The following LRRC9 variants were observed in gnomAD, a reference collection of about 807,000 sequenced individuals.
The protein encoded by LRRC9 is leucine-rich repeat-containing protein 9.
LRRC9 carries 122 observed loss-of-function variants against 63.2 expected under a neutral mutation model. The observed-to-expected ratio is 1.93, with a 90% confidence interval of 1.67 to 2.24. The LOEUF is 2.24. Ranked by LOEUF, LRRC9 falls within the 30% of genes most tolerant of loss-of-function variation. The pLI, the probability that LRRC9 is intolerant of heterozygous loss-of-function variation, is 0.00. For missense variants in LRRC9, 1,071 were observed against 627.7 expected, an observed-to-expected ratio of 1.71 and a Z score of -7.55; for synonymous variants, 366 against 213.1, an observed-to-expected ratio of 1.72 and a Z score of -6.25.
At position 59,964,106 on chromosome 14, in the gene LRRC9, G is replaced by T. The variant is rs1014678080; in HGVS notation, c.1212-2483G>T. ...CTGACTCTAAAGGATTTGAACAGGA[G>T]TTATGATTAGTTTAGAGACCATACA... is the stretch of plus-strand genomic sequence containing the variant. On this transcript the variant is annotated intron_variant, in intron 10 of 31. Transcript: ENST00000445360. This position sits in a 1 kb window ranked among gnomAD's most constrained non-coding sequence, Gnocchi z 4.4. Among the ~76,000 whole-genome samples the T allele has an allele frequency of 6.6e-6, 1 of 152,174 alleles. No homozygotes were observed. The highest frequency in any genetic ancestry group is 2.4e-5 in the African/African-American group (1 of 41,444).
rs946070698 is a variant in LRRC9, at chr14:59,936,723, C to A, written c.544-1667C>A. On this transcript the variant is annotated intron_variant, in intron 6 of 31. Transcript: ENST00000445360. The surrounding 1 kb of genome is among the most constrained non-coding windows in gnomAD (Gnocchi z 4.2). ...CCTTTTAGAGCAACTCTGCTTAGTC[C>A]TCCTCCCTGCATAGGCTCAGCCCAA... Among the ~76,000 whole-genome samples, 10 of 152,190 alleles carry A rather than the reference C, an allele frequency of 6.6e-5. No individual in the cohort carries two copies.
chr14:59,967,792 A>G (rs766621200), intron 12 of LRRC9, among the ~76,000 whole-genome samples: 4 of 152,178 alleles, frequency 2.6e-5, no homozygotes, highest in Non-Finnish European at 4.4e-5. Context: ...CACACATAAA[A>G]TGATAATATT....
intron 27 of LRRC9, among the ~76,000 whole-genome samples, chr14:60,024,934 C>G (rs1431674119): frequency 6.6e-6 from 1 of 151,670 alleles, no homozygotes; most frequent in African/African-American, 2.4e-5. Flanking sequence ...TTTTCTGTTT[C>G]TGAGTTAGCT....
chr14:59,939,037 A>ATATATACATATACATATATACACG (rs1881441064), intron 7 of LRRC9, among the ~76,000 whole-genome samples: 1 of 147,464 alleles, frequency 6.8e-6, no homozygotes, highest in Admixed American at 6.8e-5. Context: ...ATATATACAC[A>ATATATACATATACATATATACACG]TATATACATA....
At chr14:59,988,939 TA>T (rs577458069) in intron 17 of LRRC9, among the ~76,000 whole-genome samples, 105 of 152,282 alleles carry the variant, frequency 6.9e-4, no homozygotes, top group Non-Finnish European at 1.3e-3. Context: ...GCTCACAATT[TA>T]TTTTTCTGGG....
At chr14:59,931,017 A>G (rs1889657510) in exon 4 of LRRC9, 1 of 436,620 alleles carries the variant, frequency 2.3e-6, no homozygotes, top group African/African-American at 2.0e-5. Flanking sequence ...AATCAAATTG[A>G]AGGTTCTTTG....
chr14:59,977,922 T>C (rs1002731478), intron 14 of LRRC9, 95 bp from the exon 15 acceptor site: 16 of 550,224 alleles, frequency 2.9e-5, no homozygotes, highest in African/African-American at 5.7e-5. Flanking sequence ...TTGCAACTTA[T>C]TGAGTTTGTT....
chr14:60,049,518 T>C (rs1322134878), intron 29 of LRRC9, among the ~76,000 whole-genome samples: 1 of 152,174 alleles, frequency 6.6e-6, no homozygotes, highest in African/African-American at 2.4e-5. Flanking sequence ...TTGTGAAACT[T>C]AGTTTGGCCA....
intron 17 of LRRC9, among the ~76,000 whole-genome samples, chr14:59,992,350 C>T (rs1165379426): frequency 6.6e-6 from 1 of 152,132 alleles, no homozygotes; most frequent in African/African-American, 2.4e-5. Flanking sequence ...GATAAACCCA[C>T]AAAGATGGGG....
In LRRC9 at chr14:60,004,109, T is replaced by A. The variant is rs545600716; in HGVS notation, c.2842+311T>A. ...ACGAGTTCATACCTATTAGTGGAAT[T>A]CGTGACTATTTTACTTTATATAATG... On this transcript the variant is annotated intron_variant, in intron 21 of 31. Coordinates refer to ENST00000445360, the Ensembl canonical transcript of LRRC9. The surrounding 1 kb of genome is among the most constrained non-coding windows in gnomAD (Gnocchi z 4.8). Among the ~76,000 whole-genome samples, 6 of 152,268 alleles carry A rather than the reference T, an allele frequency of 3.9e-5. No individual in the cohort carries two copies. In the East Asian group the frequency reaches 1.2e-3, roughly 29 times the overall value.
intron 7 of LRRC9, among the ~76,000 whole-genome samples, chr14:59,944,170 A>G (rs1192366127): frequency 6.6e-6 from 1 of 151,952 alleles, no homozygotes; most frequent in African/African-American, 2.4e-5. Flanking sequence ...CTTTTAAAAA[A>G]CGAATTGAGT....
chr14:59,957,742 C>CT (rs1315305332), intron 8 of LRRC9, among the ~76,000 whole-genome samples: 1 of 152,142 alleles, frequency 6.6e-6, no homozygotes, highest in Non-Finnish European at 1.5e-5. Context: ...CGTTTTTGTG[C>CT]TGGTTTTTCC....
intron 21 of LRRC9, 89 bp from the exon 22 acceptor site, chr14:60,006,308 T>C (rs1382418617): frequency 1.7e-6 from 1 of 600,840 alleles, no homozygotes. Context: ...CCTAGCTATC[T>C]AATTACAATA....
intron 29 of LRRC9, among the ~76,000 whole-genome samples, chr14:60,048,127 GA>G (rs1893588215): frequency 1.3e-5 from 2 of 152,252 alleles, no homozygotes; most frequent in African/African-American, 4.8e-5. Context: ...CAGAATCTCT[GA>G]GGGCAGATAA....
At chr14:59,998,686 T>G (rs997483858) in intron 18 of LRRC9, among the ~76,000 whole-genome samples, 7 of 152,060 alleles carry the variant, frequency 4.6e-5, no homozygotes, top group African/African-American at 1.4e-4. Context: ...ATTTTTCTTT[T>G]GCCAAAGCAT....
intron 6 of LRRC9, among the ~76,000 whole-genome samples, chr14:59,935,008 G>A (rs1295733054): frequency 2.0e-5 from 3 of 151,716 alleles, no homozygotes; most frequent in Admixed American, 1.3e-4. Flanking sequence ...ATATAAGGCC[G>A]GGCATGGTGG....
rs1887001783 is a variant in LRRC9 at position 59,982,170 on chromosome 14, C to G, written c.2091+110C>G. The G allele has an allele frequency of 8.2e-6, 5 of 608,792 alleles. No homozygotes were observed. In the South Asian group the frequency reaches 1.0e-4, roughly 13 times the overall value. 37.7% of individuals were successfully genotyped at this position (608,792 alleles called of 1,614,324 possible). ...ACTGCCTGTCTGATGATGCCAGGTA[C>G]AATGCTACCTAAAGCGTCCATTTCT... is the stretch of plus-strand genomic sequence containing the variant. On this transcript the variant is annotated intron_variant, in intron 16 of 31. Transcript: ENST00000445360.
chr14:60,052,010 T>C (rs1422250849), intron 29 of LRRC9, among the ~76,000 whole-genome samples: 1 of 152,178 alleles, frequency 6.6e-6, no homozygotes, highest in Non-Finnish European at 1.5e-5. Context: ...GTTGATTGCC[T>C]AGTCAGTCCC....
chr14:59,997,505 G>A lies in LRRC9; in HGVS notation c.2212-151G>A, dbSNP rs899603976. 48 of 485,030 alleles carry A rather than the reference G, an allele frequency of 9.9e-5. No homozygotes were observed. In the Admixed American group the frequency reaches 1.8e-3, roughly 18 times the overall value. The allele number at this position is 485,030 out of a possible 1,614,324, so 30.0% of individuals were successfully genotyped here. ...TGTAGCTCTTTAGACAAATGCATAT[G>A]TTGATACCATCATTGCAACATAACT... On this transcript the variant is annotated intron_variant, in intron 17 of 31. Coordinates refer to ENST00000445360, the Ensembl canonical transcript of LRRC9.
Sources: gnomAD v4.1 joint callset for allele counts (sites outside exome capture counted in the v4.1 genomes callset) on GRCh38, gnomAD v4.1.1 for gene constraint, Gnocchi (gnomAD v3.1) non-coding constraint, MANE v1.5 for transcripts, NCBI Gene and HGNC (gene_info 2026-07-23, HGNC 2026-07-21) for gene names.